The following SLC44A5 variants were observed in gnomAD, a reference collection of about 807,000 sequenced individuals.
SLC44A5 encodes choline transporter-like protein 5.
Under a neutral mutation model 101.8 loss-of-function variants are expected in SLC44A5, and 57 were observed. The ratio of observed to expected loss-of-function variants is 0.56; its 90% confidence interval spans 0.45 to 0.70. SLC44A5 has a LOEUF of 0.70. Among genes scored for constraint, SLC44A5 ranks in the 30% least tolerant of loss-of-function variants. SLC44A5 has a pLI of 0.00. For missense variants in SLC44A5, 737 were observed against 853.1 expected (o/e 0.86, Z 1.70); for synonymous variants, 281 against 290.9 (o/e 0.97, Z 0.35).
intron 18 of SLC44A5, 119 bp from the exon 19 acceptor site, chr1:75,215,976 A>G: frequency 4.9e-6 from 3 of 608,778 alleles, no homozygotes; most frequent in Non-Finnish European, 8.5e-6. Context: ...TAAAATATAC[A>G]TAATATAAAA....
chr1:75,457,577 G>C (rs942349155), intron 2 of SLC44A5, among the ~76,000 whole-genome samples: 1 of 152,182 alleles, frequency 6.6e-6, no homozygotes, highest in African/African-American at 2.4e-5. Flanking sequence ...GTTCACCGAG[G>C]CCAGGTGCAG....
the SLC44A5 span, among the ~76,000 whole-genome samples, chr1:75,624,244 AAAATATTAACT>A: frequency 2.6e-5 from 4 of 152,182 alleles, no homozygotes; most frequent in Admixed American, 2.6e-4. Context: ...GTCAAAAGAG[AAAATATTAACT>A]AAATATTAAC....
intron 7 of SLC44A5, 86 bp from the exon 8 acceptor site, chr1:75,243,097 C>T: frequency 1.4e-6 from 2 of 1,433,974 alleles, no homozygotes; most frequent in Admixed American, 5.2e-5. Context: ...AATTATCCAC[C>T]ATAACAAAAA....
At chr1:75,633,706 C>T in the SLC44A5 span, among the ~76,000 whole-genome samples, 1 of 151,672 alleles carries the variant, frequency 6.6e-6, no homozygotes, top group African/African-American at 2.4e-5. Flanking sequence ...ATTGAATACC[C>T]TTTATTTCCT....
At chr1:75,292,200 G>A (rs1158844945) in intron 5 of SLC44A5, among the ~76,000 whole-genome samples, 2 of 152,032 alleles carry the variant, frequency 1.3e-5, no homozygotes, top group East Asian at 3.9e-4. Flanking sequence ...AAATTTTCCT[G>A]GACGAGGTCT....
intron 2 of SLC44A5, among the ~76,000 whole-genome samples, chr1:75,433,998 C>T (rs1036036213): frequency 3.3e-5 from 5 of 152,132 alleles, no homozygotes; most frequent in African/African-American, 7.2e-5. Context: ...GGAAAAACCA[C>T]GCCCATGATT....
chr1:75,462,803 G>A (rs1666578825), intron 2 of SLC44A5, among the ~76,000 whole-genome samples: 1 of 152,060 alleles, frequency 6.6e-6, no homozygotes, highest in Non-Finnish European at 1.5e-5. Context: ...GAATGAATTA[G>A]TGAGCTTGAA....
intron 1 of SLC44A5, among the ~76,000 whole-genome samples, chr1:75,554,095 A>G (rs1444730856): frequency 1.3e-5 from 2 of 152,224 alleles, no homozygotes; most frequent in Non-Finnish European, 2.9e-5. Context: ...GCACAAAAGT[A>G]GAACTGAATA....
At chr1:75,275,111 T>C (rs1351888971) in intron 5 of SLC44A5, 69 bp from the exon 6 acceptor site, 64 of 1,170,614 alleles carry the variant, frequency 5.5e-5, no homozygotes, top group Non-Finnish European at 3.8e-6. Context: ...ATTTGAGATA[T>C]TAGAATGCAC....
chr1:75,347,866 T>C (rs11586419), intron 3 of SLC44A5, among the ~76,000 whole-genome samples: 2 of 152,166 alleles, frequency 1.3e-5, no homozygotes, highest in Non-Finnish European at 2.9e-5. Flanking sequence ...GTCGATGAAA[T>C]TTTTTTCTCA....
intron 2 of SLC44A5, among the ~76,000 whole-genome samples, chr1:75,540,737 C>A (rs562024020): frequency 3.3e-5 from 5 of 152,060 alleles, no homozygotes; most frequent in Admixed American, 1.3e-4. Context: ...TTTACCTTCA[C>A]GAAGGAATAC....
intron 3 of SLC44A5, among the ~76,000 whole-genome samples, chr1:75,359,239 T>C (rs1443415463): frequency 6.8e-6 from 1 of 146,878 alleles, no homozygotes. Flanking sequence ...TCTTTTTTTT[T>C]TTTTTTTTTT....
At chr1:75,362,675 C>T (rs1212960149) in intron 3 of SLC44A5, among the ~76,000 whole-genome samples, 1 of 151,992 alleles carries the variant, frequency 6.6e-6, no homozygotes, top group African/African-American at 2.4e-5. Flanking sequence ...CTTATGATTT[C>T]ACTCCTCTTA....
At chr1:75,385,752 C>A (rs1352173847) in intron 3 of SLC44A5, among the ~76,000 whole-genome samples, 11 of 151,988 alleles carry the variant, frequency 7.2e-5, no homozygotes, top group African/African-American at 2.7e-4. Flanking sequence ...AGAGACACCA[C>A]CAAAAAAGAG....
At chr1:75,347,354 A>C (rs1466045664) in intron 3 of SLC44A5, among the ~76,000 whole-genome samples, 1 of 152,170 alleles carries the variant, frequency 6.6e-6, no homozygotes, top group Non-Finnish European at 1.5e-5. Flanking sequence ...CTGGGCCTAA[A>C]GTGTAGGAAA....
At chr1:75,502,876 A>G (rs1669043329) in intron 2 of SLC44A5, among the ~76,000 whole-genome samples, 1 of 152,224 alleles carries the variant, frequency 6.6e-6, no homozygotes, top group Non-Finnish European at 1.5e-5. Flanking sequence ...CTGGGAACTT[A>G]AGAGTGGGGG....
At chr1:75,298,653 A>AAGG (rs1331237778) in intron 5 of SLC44A5, among the ~76,000 whole-genome samples, 1 of 152,218 alleles carries the variant, frequency 6.6e-6, no homozygotes, top group Admixed American at 6.5e-5. Context: ...ATGAAGGAAT[A>AAGG]AGGCCTCCTA....
chr1:75,659,475 A>C, the SLC44A5 span, among the ~76,000 whole-genome samples: 1 of 66,804 alleles, frequency 1.5e-5, no homozygotes, highest in Non-Finnish European at 3.3e-5. Flanking sequence ...GAAGGAAGGA[A>C]GGAAGGAAGG....
At chr1:75,331,425 T>A (rs1037916646) in intron 4 of SLC44A5, among the ~76,000 whole-genome samples, 1 of 152,114 alleles carries the variant, frequency 6.6e-6, no homozygotes, top group African/African-American at 2.4e-5. Context: ...ATCCCATCAG[T>A]AAGTGCTGCT....
Sources: allele counts gnomAD v4.1 joint callset (sites outside exome capture counted in the v4.1 genomes callset), GRCh38; gene constraint gnomAD v4.1.1; transcripts MANE v1.5; gene names NCBI Gene and HGNC (gene_info 2026-07-23, HGNC 2026-07-21).